Variants in RASSF6 observed in about 807,000 individuals in gnomAD.
The protein encoded by RASSF6 is ras association domain-containing protein 6.
In RASSF6, 52 loss-of-function variants were observed where a neutral mutation model predicts 44.0. The ratio of observed to expected loss-of-function variants is 1.18; its 90% CI spans 0.95 to 1.49. The LOEUF is 1.49. Ranked by LOEUF, RASSF6 falls within the 40% of genes most tolerant of loss-of-function variation. The pLI is 0.00. For missense variants in RASSF6, 464 were observed against 393.3 expected (o/e 1.18, Z -1.52); for synonymous variants, 162 against 124.6 (o/e 1.30, Z -2.00).
At chr4:73,615,898 C>T in intron 1 of RASSF6, 1 of 1,550,434 alleles carries the variant, frequency 6.4e-7, no homozygotes, top group Non-Finnish European at 8.7e-7. Context: ...TACCAGTTGC[C>T]TTGTGACCAG....
intron 1 of RASSF6, among the ~76,000 whole-genome samples, chr4:73,616,218 T>G (rs938790274): frequency 1.4e-5 from 2 of 144,812 alleles, no homozygotes; most frequent in African/African-American, 2.6e-5. Context: ...TATACATATA[T>G]CTATATCTAT....
intron 8 of RASSF6, among the ~76,000 whole-genome samples, chr4:73,577,435 C>T (rs1723311177): frequency 6.6e-6 from 1 of 152,102 alleles, no homozygotes; most frequent in South Asian, 2.1e-4. Context: ...AAAGCATGAA[C>T]AAAACATAGT....
rs757436181 is a variant in RASSF6 at position 73,576,328 on chromosome 4, A to G, written c.939-18T>C. The G allele has an allele frequency of 6.6e-7, 1 of 1,511,806 alleles. No individual in the cohort carries two copies. The highest frequency in any genetic ancestry group is 9.1e-7 in the Non-Finnish European group (1 of 1,095,732). The allele number at this position is 1,511,806 out of a possible 1,614,324, so 93.6% of individuals were successfully genotyped here. ...TATTGAATCTGAAAATGAGAAGAAG[A>G]AAGACTATTAAAAATTGGACATATT... On this transcript the variant is annotated intron_variant, in intron 10 of 10. Transcript: ENST00000307439.
intron 2 of RASSF6, among the ~76,000 whole-genome samples, chr4:73,601,356 T>C (rs1162559850): frequency 6.6e-6 from 1 of 152,244 alleles, no homozygotes; most frequent in Admixed American, 6.5e-5. Flanking sequence ...AGATGAGTAG[T>C]TGTAACAGAA....
rs144619522 is a variant in RASSF6 at position 73,590,655 on chromosome 4, T to C, written c.288-2721A>G. On this transcript the variant is annotated intron_variant, in intron 4 of 10. Transcript: ENST00000307439. ...AAGCCACTTCAAATTGTGCTGTGCCTTCCTGCCTGAGTGTTCAGCTGGCTC... is the reference window on the plus strand; with the variant it reads ...AAGCCACTTCAAATTGTGCTGTGCCCTCCTGCCTGAGTGTTCAGCTGGCTC... 2.6e-3 allele frequency among the ~76,000 whole-genome samples: 389 copies of C among 152,330 alleles called. 2 individuals carry two copies. Among genetic ancestry groups the C allele is most frequent in the African/African-American group, 8.8e-3 (366 of 41,572 alleles).
chr4:73,593,325 A>C (rs1424149687), intron 4 of RASSF6, 126 bp downstream of exon 4: 3 of 992,838 alleles, frequency 3.0e-6, no homozygotes, highest in Non-Finnish European at 2.9e-6. Flanking sequence ...CATTGCTGGG[A>C]AATTAAATGA....
chr4:73,594,925 G>C (rs776454687), intron 3 of RASSF6, among the ~76,000 whole-genome samples: 26 of 152,090 alleles, frequency 1.7e-4, no homozygotes, highest in Non-Finnish European at 3.1e-4. Flanking sequence ...TATATCTCCA[G>C]CTTTTAAAAT....
At chr4:73,576,830 G>GA in intron 8 of RASSF6, 99 bp from the exon 9 acceptor site, 1 of 759,634 alleles carries the variant, frequency 1.3e-6, no homozygotes, top group Non-Finnish European at 2.1e-6. Flanking sequence ...AACTCACTTT[G>GA]AAAAAAATAA....
chr4:73,607,676 C>T (rs1725730727), intron 2 of RASSF6, among the ~76,000 whole-genome samples: 1 of 152,178 alleles, frequency 6.6e-6, no homozygotes, highest in Non-Finnish European at 1.5e-5. Context: ...TTCAAAACAC[C>T]CTAGAACTCC....
intron 6 of RASSF6, among the ~76,000 whole-genome samples, chr4:73,583,360 T>C (rs1429604811): frequency 1.3e-5 from 2 of 152,158 alleles, no homozygotes; most frequent in Non-Finnish European, 2.9e-5. Flanking sequence ...ATCAGTTGTG[T>C]TGGCCAAAAC....
chr4:73,584,130 G>C (rs970721862), intron 6 of RASSF6, among the ~76,000 whole-genome samples: 3 of 152,018 alleles, frequency 2.0e-5, no homozygotes, highest in African/African-American at 4.8e-5. Flanking sequence ...AATGATTCTG[G>C]AACCCTAAAA....
intron 1 of RASSF6, among the ~76,000 whole-genome samples, chr4:73,614,360 A>C (rs1726210929): frequency 6.6e-6 from 1 of 152,158 alleles, no homozygotes; most frequent in African/African-American, 2.4e-5. Flanking sequence ...ACAGGTGAGG[A>C]CTTTAGGAGG....
intron 1 of RASSF6, chr4:73,616,049 T>A: frequency 1.1e-6 from 1 of 906,776 alleles, no homozygotes; most frequent in East Asian, 2.7e-5. Context: ...TTCACTCGTT[T>A]GTAAATTCAA....
In RASSF6 at chr4:73,576,695, A is replaced by G. The variant is rs780870800; in HGVS notation, c.758T>C (p.Leu253Pro). The change falls in exon 9 of 11, where the codon CTG (leucine) becomes CCG (proline). Residue 253 changes from leucine to proline, a missense_variant. Transcript: ENST00000307439. ...AGAAGGTCCCTGTAGGAGCCTCTGCAGTAGCGGAATGTCTGTCTTCTTTAG... is the reference window on the plus strand; with the variant it reads ...AGAAGGTCCCTGTAGGAGCCTCTGCGGTAGCGGAATGTCTGTCTTCTTTAG... ...RRLKKTDIPL[L>P]QRLLQGPSEK... The G allele has an allele frequency of 6.2e-7, 1 of 1,613,256 alleles. No individual in the cohort carries two copies. The highest frequency in any genetic ancestry group is 1.1e-5 in the South Asian group (1 of 90,956).
chr4:73,620,526 C>T (rs764106069), upstream of RASSF6: 1 of 1,491,062 alleles, frequency 6.7e-7, no homozygotes, highest in Non-Finnish European at 9.0e-7. Flanking sequence ...TTGCAGTGCC[C>T]CCGACGCGAT....
rs1026493796 is a variant in RASSF6 at position 73,585,433 on chromosome 4, G to A, written c.383-69C>T. ...GTCCTAGCATCCTGAGTGGATTTGTGTATGCTTTCATTAATTTTAGGAATA... is the reference window on the plus strand; with the variant it reads ...GTCCTAGCATCCTGAGTGGATTTGTATATGCTTTCATTAATTTTAGGAATA... On this transcript the variant is annotated intron_variant, in intron 5 of 10. Coordinates refer to ENST00000307439, the MANE Select transcript of RASSF6 (RefSeq NM_177532.5). The A allele has an allele frequency of 3.3e-5, 35 of 1,047,484 alleles. No homozygotes were observed. The African/African-American group carries it at 5.5e-4, about 16-fold the overall frequency. The allele number at this position is 1,047,484 out of a possible 1,614,324, so 64.9% of individuals were successfully genotyped here. A position where few individuals can be genotyped will look rare whatever the true frequency, so the allele number is the denominator to read the frequency against.
chr4:73,607,135 C>T (rs749485516), intron 2 of RASSF6, among the ~76,000 whole-genome samples: 1 of 152,210 alleles, frequency 6.6e-6, no homozygotes, highest in Admixed American at 6.5e-5. Flanking sequence ...TCCAGACATT[C>T]TCCACACTAA....
intron 2 of RASSF6, among the ~76,000 whole-genome samples, chr4:73,601,097 G>A (rs1305085755): frequency 6.6e-6 from 1 of 152,192 alleles, no homozygotes; most frequent in Non-Finnish European, 1.5e-5. Context: ...TCTGATAAAA[G>A]TACATTACAT....
intron 6 of RASSF6, among the ~76,000 whole-genome samples, 161 bp downstream of exon 6, chr4:73,585,019 C>A (rs1334362756): frequency 6.6e-6 from 1 of 152,050 alleles, no homozygotes; most frequent in Non-Finnish European, 1.5e-5. Flanking sequence ...CTATTTAAAA[C>A]ACATTTACTT....
Sources: gnomAD v4.1 joint callset for allele counts (sites outside exome capture counted in the v4.1 genomes callset) on GRCh38, gnomAD v4.1.1 for gene constraint, MANE v1.5 for transcripts, NCBI Gene and HGNC (gene_info 2026-07-23, HGNC 2026-07-21) for gene names.